TMEM114: variants seen among roughly 807,000 people sequenced by gnomAD.
The protein encoded by TMEM114 is claudin-26.
TMEM114 carries 6 observed loss-of-function variants against 6.2 expected under a neutral mutation model. The observed-to-expected ratio is 0.97, with a 90% CI of 0.53 to 1.91. The LOEUF is 1.91. Ranked by LOEUF, TMEM114 falls within the 40% of genes most tolerant of loss-of-function variation. The probability of loss-of-function intolerance (pLI) is 0.01; values close to 1 mark genes in which losing one functional copy is unlikely to be tolerated. For synonymous variants in TMEM114, 104 were observed against 73.0 expected (o/e 1.42, Z -2.16); for missense variants, 218 against 158.3 (o/e 1.38, Z -2.02).
At chr16:8,583,268 G>A (rs758764760) in intron 2 of TMEM114, among the ~76,000 whole-genome samples, 17 of 152,330 alleles carry the variant, frequency 1.1e-4, no homozygotes, top group Non-Finnish European at 1.6e-4. Context: ...GTGGGTCTGC[G>A]ATGATTAGCT....
At chr16:8,560,816 G>A (rs1040689217) in intron 2 of TMEM114, among the ~76,000 whole-genome samples, 1 of 152,182 alleles carries the variant, frequency 6.6e-6, no homozygotes, top group Non-Finnish European at 1.5e-5. Context: ...TGGGGACTGA[G>A]GCTGGGTGTA....
At chr16:8,570,057 C>T in intron 3 of TMEM114, 52 bp from the exon 4 acceptor site, 1 of 1,508,970 alleles carries the variant, frequency 6.6e-7, no homozygotes, top group Non-Finnish European at 8.9e-7. Flanking sequence ...CGCCCCAGCA[C>T]TCCCCTCCTC....
At chr16:8,530,291 G>A in the TMEM114 span, among the ~76,000 whole-genome samples, 2 of 152,108 alleles carry the variant, frequency 1.3e-5, no homozygotes, top group South Asian at 2.1e-4. Flanking sequence ...CAATTGAGGG[G>A]GTGAGTATTG....
At chr16:8,571,214 T>C (rs2141683879) in intron 3 of TMEM114, among the ~76,000 whole-genome samples, 1 of 152,204 alleles carries the variant, frequency 6.6e-6, no homozygotes, top group Admixed American at 6.5e-5. Flanking sequence ...TCAAAACCTC[T>C]GGTCCACTAA....
At position 8,559,231 on chromosome 16, in the gene TMEM114, C is replaced by A. The variant is rs1215023923; in HGVS notation, n.213-21405G>T. Among the ~76,000 whole-genome samples the A allele has an allele frequency of 1.3e-5, 2 of 152,024 alleles. 1 individual carries two copies. The highest frequency in any genetic ancestry group is 3.9e-4 in the East Asian group (2 of 5,176). ...ATAATTTTTGTATTTTTAGCAGAGACGGGGTTTCACCGTGTTGGCCAGGCT... is the reference window on the plus strand; with the variant it reads ...ATAATTTTTGTATTTTTAGCAGAGAAGGGGTTTCACCGTGTTGGCCAGGCT... On this transcript the variant is annotated intron_variant and non_coding_transcript_variant, in intron 2 of 2. Coordinates refer to the TMEM114 transcript ENST00000623677.
intron 2 of TMEM114, among the ~76,000 whole-genome samples, chr16:8,559,008 G>A (rs1384826496): frequency 1.3e-5 from 2 of 151,202 alleles, no homozygotes; most frequent in African/African-American, 4.9e-5. Flanking sequence ...CTCCCAAAGT[G>A]CTGGGATTAA....
the TMEM114 span, among the ~76,000 whole-genome samples, chr16:8,527,660 T>A: frequency 6.6e-6 from 1 of 152,130 alleles, no homozygotes; most frequent in Non-Finnish European, 1.5e-5. Flanking sequence ...ATGGGACCAT[T>A]GAGGGTGGTA....
At chr16:8,556,257 C>T (rs1344880024) in intron 2 of TMEM114, among the ~76,000 whole-genome samples, 1 of 152,186 alleles carries the variant, frequency 6.6e-6, no homozygotes, top group Non-Finnish European at 1.5e-5. Context: ...TGCAGTTATA[C>T]CAGCCCCCGC....
Position 8,569,613 on chromosome 16 carries a change from A to T in TMEM114, c.*160T>A, listed in dbSNP as rs1901655967. On this transcript the variant is annotated 3_prime_UTR_variant, in exon 4 of 4. Coordinates refer to ENST00000620492, the MANE Select transcript of TMEM114 (RefSeq NM_001146336.2). ...GCACACAGGTACTAGGATAACAGCC[A>T]GGCCCCAAGCTTAGTCCGCGGGGAT... 7.0e-7 allele frequency: 1 copy of T among 1,433,658 alleles called. No individual in the cohort carries two copies. The highest frequency in any genetic ancestry group is 9.1e-7 in the Non-Finnish European group (1 of 1,098,198). 88.8% of individuals were successfully genotyped at this position (1,433,658 alleles called of 1,614,324 possible). A position where few individuals can be genotyped will look rare whatever the true frequency, so the allele number is the denominator to read the frequency against.
chr16:8,548,705 C>CATAT (rs1455040386), intron 2 of TMEM114, among the ~76,000 whole-genome samples: 14 of 142,328 alleles, frequency 9.8e-5, no homozygotes, highest in African/African-American at 3.2e-4. Context: ...TATATATATA[C>CATAT]ACAGAAAAAA....
chr16:8,564,132 A>G (rs554189447), intron 2 of TMEM114, among the ~76,000 whole-genome samples: 50 of 151,218 alleles, frequency 3.3e-4, no homozygotes, highest in African/African-American at 1.1e-3. Context: ...TGAGTGAGTT[A>G]GTGAATGAGT....
At chr16:8,586,837 T>C (rs1348338968) in intron 2 of TMEM114, among the ~76,000 whole-genome samples, 1 of 152,158 alleles carries the variant, frequency 6.6e-6, no homozygotes, top group African/African-American at 2.4e-5. Flanking sequence ...GAAACAGTGC[T>C]TCAAAGACAC....
intron 2 of TMEM114, among the ~76,000 whole-genome samples, chr16:8,572,679 T>C (rs1901775808): frequency 6.6e-6 from 1 of 152,204 alleles, no homozygotes; most frequent in Non-Finnish European, 1.5e-5. Context: ...CAAGCGATCC[T>C]CCTGCCTTGG....
At chr16:8,563,069 ATGAGTAAGTGAATGAG>A (rs1457137170) in intron 2 of TMEM114, among the ~76,000 whole-genome samples, 6 of 120,088 alleles carry the variant, frequency 5.0e-5, no homozygotes, top group Admixed American at 4.0e-4. Flanking sequence ...GAGTAAGTGA[ATGAGTAAGTGAATGAG>A]TGAGTGAGGG....
rs762503440 is a variant in TMEM114 at position 8,541,068 on chromosome 16, T to A, written n.213-3242A>T. Reference sequence around the variant, plus strand: ...GAGAGCGAAGTCTGGACCAGCCCCATGCAGGGTCTAATGATAATAATGACC... The same window carrying A: ...GAGAGCGAAGTCTGGACCAGCCCCAAGCAGGGTCTAATGATAATAATGACC... On this transcript the variant is annotated intron_variant and non_coding_transcript_variant, in intron 2 of 2. Coordinates refer to the TMEM114 transcript ENST00000623677. 2.6e-5 allele frequency among the ~76,000 whole-genome samples: 4 copies of A among 152,256 alleles called. No individual in the cohort carries two copies. The East Asian group carries it at 7.7e-4, about 29-fold the overall frequency.
At chr16:8,558,866 G>A (rs142788420) in intron 2 of TMEM114, among the ~76,000 whole-genome samples, 544 of 150,988 alleles carry the variant, frequency 3.6e-3, no homozygotes, top group Admixed American at 8.1e-3. Context: ...TCAGCCTCCC[G>A]AGTAGCTGGG....
Position 8,589,996 on chromosome 16 carries a change from C to G in TMEM114, c.-158G>C. 5 of 383,404 alleles carry G rather than the reference C, an allele frequency of 1.3e-5. No homozygotes were observed. Among genetic ancestry groups the G allele is most frequent in the Non-Finnish European group, 2.3e-5 (5 of 216,738 alleles). 23.8% of individuals were successfully genotyped at this position (383,404 alleles called of 1,614,324 possible). ...AAGCCTTTCCTTTGGACCCCGGGCC[C>G]TAGCTTAGACCCTGGCTCCTCACCT... On this transcript the variant is annotated 5_prime_UTR_variant, in exon 1 of 4. Coordinates refer to ENST00000620492, the MANE Select transcript of TMEM114 (RefSeq NM_001146336.2).
chr16:8,574,582 C>CTGCT (rs1901853528), intron 2 of TMEM114, among the ~76,000 whole-genome samples: 1 of 142,462 alleles, frequency 7.0e-6, no homozygotes, highest in Admixed American at 7.1e-5. Context: ...TCCTTCCTTC[C>CTGCT]TTCTTTCTTT....
intron 2 of TMEM114, among the ~76,000 whole-genome samples, chr16:8,559,412 G>GA (rs59878460): frequency 5.9e-5 from 9 of 151,886 alleles, no homozygotes; most frequent in Non-Finnish European, 1.3e-4. Flanking sequence ...CAGCTGTGGA[G>GA]AAAAAAACAA....
Sources: gnomAD v4.1 joint callset for allele counts (sites outside exome capture counted in the v4.1 genomes callset) on GRCh38, gnomAD v4.1.1 for gene constraint, MANE v1.5 for transcripts, NCBI Gene and HGNC (gene_info 2026-07-23, HGNC 2026-07-21) for gene names.